Variants in USP10 observed in about 807,000 individuals in gnomAD.
USP10 encodes ubiquitin carboxyl-terminal hydrolase 10.
USP10 carries 22 observed loss-of-function variants against 84.5 expected under a neutral mutation model. The observed-to-expected ratio is 0.26, with a 90% CI of 0.19 to 0.37. USP10 has a LOEUF of 0.37. USP10 is among the 10% of genes least tolerant of loss of function. The probability of loss-of-function intolerance (pLI) is 1.00; values close to 1 mark genes in which losing one functional copy is unlikely to be tolerated. For missense variants in USP10, 1,019 were observed against 998.9 expected (o/e 1.02, Z -0.27); for synonymous variants, 454 against 387.6 (o/e 1.17, Z -2.01).
intron 2 of USP10, among the ~76,000 whole-genome samples, chr16:84,738,120 G>A (rs535039158): frequency 6.6e-6 from 1 of 152,258 alleles, no homozygotes; most frequent in African/African-American, 2.4e-5. Flanking sequence ...GGGTGAAGAG[G>A]TCCCTTCTCT....
rs1911046801 is a variant in USP10 at position 84,745,066 on chromosome 16, A to G, written c.585A>G (p.Glu195=). ...VPNSVSAEDA[E]FMGDMPPSVT... The stretch of plus-strand genomic sequence containing the variant: ...ACAGTGTCAGTGCAGAGGATGCAGA[A>G]TTTATGGGTGACATGCCCCCGTCAG... The change falls in exon 4 of 14, where the codon GAA becomes GAG. Residue 195 remains glutamate (E), a synonymous_variant. Transcript: ENST00000219473. 6.2e-7 allele frequency: 1 copy of G among 1,613,734 alleles called. No homozygotes were observed. Among genetic ancestry groups the G allele is most frequent in the East Asian group, 2.2e-5 (1 of 44,890 alleles).
Position 84,758,765 on chromosome 16 carries a change from C to G in USP10, c.1242C>G (p.Pro414=), listed in dbSNP as rs71386866. 95,333 of 1,613,114 alleles carry G rather than the reference C, an allele frequency of 0.059. 3,425 individuals carry two copies. Among genetic ancestry groups the G allele is most frequent in the Non-Finnish European group, 0.068 (80,207 of 1,179,136 alleles). Residue 414 remains proline, a synonymous_variant, in exon 5 of 14, where the codon CCC becomes CCG. Transcript: ENST00000219473. ...TLIHKPVSLQ[P]RGLINKGNWC... ...TCCATAAACCAGTGTCGTTGCAACC[C>G]CGTGGGCTGATCAATAAAGGGAACT...
chr16:84,766,416 C>T (rs983919609), intron 10 of USP10, among the ~76,000 whole-genome samples: 2 of 152,216 alleles, frequency 1.3e-5, no homozygotes, highest in African/African-American at 4.8e-5. Flanking sequence ...TGGGACACGT[C>T]GTGTTGGGAG....
Position 84,700,009 on chromosome 16 carries a change from T to C in USP10, c.-82T>C, listed in dbSNP as rs543026368. 105 of 1,275,718 alleles carry C rather than the reference T, an allele frequency of 8.2e-5. No homozygotes were observed. The African/African-American group carries it at 1.3e-3, about 16-fold the overall frequency. 79.0% of individuals were successfully genotyped at this position (1,275,718 alleles called of 1,614,324 possible). On this transcript the variant is annotated 5_prime_UTR_variant, in exon 1 of 14. It removes an upstream start codon present in the reference 5' UTR. Coordinates refer to ENST00000219473, the MANE Select transcript of USP10 (RefSeq NM_005153.3). Reference sequence around the variant, plus strand: ...GCGCGGCGGCCGATGCGAGTGTGTATGTGCGGGCGAGAAGATGGCGGCGGC... The same window carrying C: ...GCGCGGCGGCCGATGCGAGTGTGTACGTGCGGGCGAGAAGATGGCGGCGGC...
chr16:84,714,372 T>C (rs1199133454), intron 1 of USP10, among the ~76,000 whole-genome samples: 3 of 152,110 alleles, frequency 2.0e-5, no homozygotes, highest in African/African-American at 7.2e-5. Context: ...CTGGAGTGAG[T>C]GGCACAATCG....
chr16:84,759,809 T>C lies in USP10; in HGVS notation c.1395-82T>C, dbSNP rs998774744. On this transcript the variant is annotated intron_variant, in intron 6 of 13. Transcript: ENST00000219473. ...ATCTACTATACTCGTATAGCTGATA[T>C]TCTACTTAGCCATCAAAGCTCTTTA... 6.5e-6 allele frequency: 9 copies of C among 1,375,782 alleles called. No homozygotes were observed. In the African/African-American group the frequency reaches 7.1e-5, roughly 11 times the overall value. 85.2% of individuals were successfully genotyped at this position (1,375,782 alleles called of 1,614,324 possible). A position where few individuals can be genotyped will look rare whatever the true frequency, so the allele number is the denominator to read the frequency against.
At chr16:84,755,285 C>A (rs925975782) in intron 4 of USP10, among the ~76,000 whole-genome samples, 3 of 151,868 alleles carry the variant, frequency 2.0e-5, no homozygotes, top group Non-Finnish European at 4.4e-5. Context: ...ACCTTTCCTT[C>A]CGTATCGTCA....
chr16:84,735,347 GGT>G (rs1489054239), intron 2 of USP10, among the ~76,000 whole-genome samples: 1 of 152,024 alleles, frequency 6.6e-6, no homozygotes, highest in East Asian at 1.9e-4. Flanking sequence ...CATGTGGATG[GGT>G]GGGTACCTGT....
chr16:84,713,522 TGAG>T (rs902564714), intron 1 of USP10, among the ~76,000 whole-genome samples: 2 of 152,184 alleles, frequency 1.3e-5, no homozygotes, highest in Non-Finnish European at 2.9e-5. Flanking sequence ...GTAAGCTCCT[TGAG>T]GCCCCAATGT....
intron 1 of USP10, among the ~76,000 whole-genome samples, chr16:84,722,513 C>T (rs1174530927): frequency 6.6e-6 from 1 of 152,172 alleles, no homozygotes; most frequent in Non-Finnish European, 1.5e-5. Flanking sequence ...CTATCTGCAC[C>T]AGCAGTGTAT....
intron 1 of USP10, among the ~76,000 whole-genome samples, chr16:84,708,407 C>T (rs561192786): frequency 1.8e-3 from 270 of 152,252 alleles, no homozygotes; most frequent in African/African-American, 6.0e-3. Context: ...GACAAGATCA[C>T]GCCACTTCAC....
At chr16:84,770,376 G>A (rs1914303846) in intron 11 of USP10, among the ~76,000 whole-genome samples, 1 of 152,102 alleles carries the variant, frequency 6.6e-6, no homozygotes, top group African/African-American at 2.4e-5. Flanking sequence ...TTTTAGATCA[G>A]AAGTATTTTT....
intron 1 of USP10, among the ~76,000 whole-genome samples, chr16:84,722,674 G>C (rs1907965066): frequency 6.6e-6 from 1 of 151,974 alleles, no homozygotes; most frequent in Admixed American, 6.6e-5. Context: ...CAGTTCTCCT[G>C]CTAGCCTCCC....
chr16:84,756,207 C>G (rs1198854778), intron 4 of USP10, among the ~76,000 whole-genome samples: 1 of 152,162 alleles, frequency 6.6e-6, no homozygotes, highest in East Asian at 1.9e-4. Flanking sequence ...GGCAGGACCA[C>G]CTTGCATTCA....
At chr16:84,720,624 C>G (rs1907667271) in intron 1 of USP10, among the ~76,000 whole-genome samples, 1 of 121,908 alleles carries the variant, frequency 8.2e-6, no homozygotes, top group Non-Finnish European at 1.6e-5. Context: ...CTGTGTTGCC[C>G]AGGCTGGAGT....
rs762282378 is a variant in USP10 at position 84,745,467 on chromosome 16, C to G, written c.986C>G (p.Ser329Cys). ...TCACCTCCTGCTGACGGCACGGGCT[C>G]TGCATCAGGCACCCTTCCTGTCAGC... ...SASPPADGTG[S>C]ASGTLPVSQP... The change falls in exon 4 of 14, where the codon TCT becomes TGT. Residue 329 changes from serine to cysteine, a missense_variant. Physicochemically the swap from Ser to Cys is moderately radical, Grantham distance 112 (BLOSUM62 -1). Coordinates refer to ENST00000219473, the MANE Select transcript of USP10 (RefSeq NM_005153.3). 7.4e-6 allele frequency: 12 copies of G among 1,613,544 alleles called. No individual in the cohort carries two copies. In the East Asian group the frequency reaches 1.6e-4, roughly 21 times the overall value.
intron 1 of USP10, among the ~76,000 whole-genome samples, chr16:84,706,125 C>T (rs1905469024): frequency 6.6e-6 from 1 of 152,130 alleles, no homozygotes; most frequent in Non-Finnish European, 1.5e-5. Flanking sequence ...CAAGGGATCC[C>T]TTCTGCTTCA....
chr16:84,775,305 C>T lies in USP10; in HGVS notation c.2209+80C>T, dbSNP rs537233065. 377 of 1,396,910 alleles carry T rather than the reference C, an allele frequency of 2.7e-4. 2 individuals are homozygous for T. In the African/African-American group the frequency reaches 4.2e-3, roughly 16 times the overall value. The allele number at this position is 1,396,910 out of a possible 1,614,324, so 86.5% of individuals were successfully genotyped here. A position where few individuals can be genotyped will look rare whatever the true frequency, so the allele number is the denominator to read the frequency against. On this transcript the variant is annotated intron_variant, in intron 13 of 13. Coordinates refer to ENST00000219473, the MANE Select transcript of USP10 (RefSeq NM_005153.3). Reference sequence around the variant, plus strand: ...ACAGCTGGGCACAGGTTTGCTGCAACTTAGCATAGCGACCAGATGCTGTAC... The same window carrying T: ...ACAGCTGGGCACAGGTTTGCTGCAATTTAGCATAGCGACCAGATGCTGTAC...
rs1567624546 is a variant in USP10, at chr16:84,745,602, C to G, written c.1121C>G (p.Ser374Cys). The change falls in exon 4 of 14, where the codon TCT (serine) becomes TGT (cysteine). Residue 374 changes from serine to cysteine, a missense_variant. This residue lies in a region of USP10 where 787 missense variants were observed against 708.8 expected (regional missense o/e 1.11). Transcript: ENST00000219473. ...CCTCCCGCCATATCTCCCCTGGTTTCTGAAAAGCAGGTTGAAGTCAAAGAA... is the reference window on the plus strand; with the variant it reads ...CCTCCCGCCATATCTCCCCTGGTTTGTGAAAAGCAGGTTGAAGTCAAAGAA... ...YSPPAISPLV[S>C]EKQVEVKEGL... The G allele has an allele frequency of 6.2e-7, 1 of 1,613,592 alleles. No individual in the cohort carries two copies. Among genetic ancestry groups the G allele is most frequent in the East Asian group, 2.2e-5 (1 of 44,892 alleles).
Sources: allele counts gnomAD v4.1 joint callset (sites outside exome capture counted in the v4.1 genomes callset), GRCh38; gene constraint gnomAD v4.1.1; regional missense constraint gnomAD v4.1.1; transcripts MANE v1.5; gene names NCBI Gene and HGNC (gene_info 2026-07-23, HGNC 2026-07-21).